Variants in TENM2 observed in about 807,000 individuals in gnomAD.
TENM2 encodes teneurin-2.
TENM2 carries 52 observed loss-of-function variants against 245.2 expected under a neutral mutation model. The ratio of observed to expected loss-of-function variants is 0.21; its 90% CI spans 0.17 to 0.27. The LOEUF (loss-of-function observed/expected upper bound fraction) is 0.27. TENM2 is among the 10% of genes least tolerant of loss of function. TENM2 has a pLI of 1.00. For synonymous variants in TENM2, 1,363 were observed against 1,438.9 expected, an observed-to-expected ratio of 0.95 and a Z score of 1.19; for missense variants, 3,046 against 3,666.8, an observed-to-expected ratio of 0.83 and a Z score of 4.37.
intron 3 of TENM2, among the ~76,000 whole-genome samples, chr5:167,908,361 CCTCTTCTCCTCTCCCCTCCCTTCCCCT>C (rs1310185823): frequency 2.1e-5 from 2 of 93,896 alleles, no homozygotes; most frequent in Non-Finnish European, 4.5e-5. Context: ...TCCCCTCCCC[CCTCTTCTCCTCTCCCCTCCCTTCCCCT>C]CTCTTCTCCT....
At chr5:168,118,429 T>C in exon 10 of TENM2, 1 of 1,609,916 alleles carries the variant, frequency 6.2e-7, no homozygotes, top group Non-Finnish European at 8.5e-7. Context: ...CCACGGCTCC[T>C]GCATTGATGG....
intron 2 of TENM2, among the ~76,000 whole-genome samples, chr5:167,595,658 T>G (rs1039274059): frequency 3.9e-5 from 6 of 152,240 alleles, no homozygotes; most frequent in African/African-American, 1.4e-4. Flanking sequence ...CTTTAGCAAT[T>G]TCAGACTTAT....
chr5:167,905,929 G>GT (rs1776054312), intron 3 of TENM2, among the ~76,000 whole-genome samples: 2 of 152,058 alleles, frequency 1.3e-5, no homozygotes, highest in African/African-American at 4.8e-5. Flanking sequence ...CATAATTAGT[G>GT]TTTTTTAAAA....
intron 4 of TENM2, among the ~76,000 whole-genome samples, chr5:167,989,298 G>GAGAA (rs772430462): frequency 0.016 from 2,293 of 147,754 alleles, 56 homozygotes; most frequent in African/African-American, 0.053. Context: ...GAGAGAGAGA[G>GAGAA]AGATAGATAG....
At chr5:167,003,506 C>T in the TENM2 span, among the ~76,000 whole-genome samples, 4 of 152,274 alleles carry the variant, frequency 2.6e-5, no homozygotes, top group Admixed American at 1.3e-4. Context: ...GTTGAAATCA[C>T]TTCATGGCTC....
intron 19 of TENM2, among the ~76,000 whole-genome samples, chr5:168,209,243 ATC>A (rs1762607503): frequency 6.6e-6 from 1 of 152,232 alleles, no homozygotes; most frequent in Non-Finnish European, 1.5e-5. Context: ...CCTTTTTAAT[ATC>A]TCTGGGCATT....
intron 2 of TENM2, among the ~76,000 whole-genome samples, chr5:167,759,345 A>C (rs1279910249): frequency 6.6e-6 from 1 of 152,034 alleles, no homozygotes; most frequent in Non-Finnish European, 1.5e-5. Flanking sequence ...AGCACATGGT[A>C]AGTGCTCCAT....
At chr5:167,963,046 G>A (rs1169170170) in intron 4 of TENM2, among the ~76,000 whole-genome samples, 1 of 152,162 alleles carries the variant, frequency 6.6e-6, no homozygotes, top group Non-Finnish European at 1.5e-5. Flanking sequence ...GAGGAGGCAG[G>A]TACATAAGCA....
chr5:167,269,565 A>G, the TENM2 span, among the ~76,000 whole-genome samples: 8 of 152,222 alleles, frequency 5.3e-5, no homozygotes, highest in East Asian at 1.5e-3. Flanking sequence ...AATCAGATTC[A>G]TAACAAAAAT....
chr5:168,189,262 A>G (rs1385210902), intron 13 of TENM2, among the ~76,000 whole-genome samples: 2 of 152,248 alleles, frequency 1.3e-5, no homozygotes, highest in East Asian at 3.8e-4. Context: ...GTTTGTAGCA[A>G]TAACCTGGCC....
chr5:168,210,091 T>A (rs1354882415), intron 19 of TENM2, among the ~76,000 whole-genome samples: 1 of 152,110 alleles, frequency 6.6e-6, no homozygotes. Flanking sequence ...CCTAGGCCTA[T>A]CCCTTGTAAG....
chr5:167,679,525 G>A (rs1756560207), intron 2 of TENM2, among the ~76,000 whole-genome samples: 1 of 152,106 alleles, frequency 6.6e-6, no homozygotes. Context: ...CGGGTATGCG[G>A]TAGTGATTAA....
chr5:167,099,345 G>A, the TENM2 span, among the ~76,000 whole-genome samples: 1 of 152,094 alleles, frequency 6.6e-6, no homozygotes, highest in Non-Finnish European at 1.5e-5. Context: ...AATTCTCACT[G>A]TTTGGCTAAT....
chr5:167,577,658 T>C (rs976258343), intron 2 of TENM2, among the ~76,000 whole-genome samples: 13 of 151,650 alleles, frequency 8.6e-5, no homozygotes, highest in Admixed American at 3.3e-4. Flanking sequence ...GCTACACAAC[T>C]TGGTGGGAGA....
chr5:167,041,454 T>C, the TENM2 span, among the ~76,000 whole-genome samples: 1 of 152,200 alleles, frequency 6.6e-6, no homozygotes, highest in Non-Finnish European at 1.5e-5. Flanking sequence ...GTTGATTCCC[T>C]TGACTATGAG....
chr5:167,375,418 C>T (rs1760688083), exon 2 of TENM2: 1 of 1,551,720 alleles, frequency 6.4e-7, no homozygotes, highest in Admixed American at 2.0e-5. Flanking sequence ...GTCGTGAAAA[C>T]TCGGCCCTTA....
At chr5:168,220,195 AT>A (rs1763552917) in intron 23 of TENM2, among the ~76,000 whole-genome samples, 2 of 152,136 alleles carry the variant, frequency 1.3e-5, no homozygotes, top group Non-Finnish European at 2.9e-5. Context: ...GGCTGAAGCT[AT>A]ACACTCACCC....
intron 3 of TENM2, among the ~76,000 whole-genome samples, chr5:167,951,995 G>A (rs781287443): frequency 3.9e-5 from 6 of 152,012 alleles, no homozygotes; most frequent in African/African-American, 7.3e-5. Flanking sequence ...TAGAAATTAC[G>A]GCTGCCTTGA....
At chr5:167,490,837 G>T (rs1218076841) in intron 2 of TENM2, among the ~76,000 whole-genome samples, 2 of 152,140 alleles carry the variant, frequency 1.3e-5, no homozygotes, top group East Asian at 1.9e-4. Flanking sequence ...ACTGTCAATG[G>T]TAATGAATTA....
Sources: allele counts gnomAD v4.1 joint callset (sites outside exome capture counted in the v4.1 genomes callset), GRCh38; gene constraint gnomAD v4.1.1; transcripts MANE v1.5; gene names NCBI Gene and HGNC (gene_info 2026-07-23, HGNC 2026-07-21).